AKR1C1: variants seen among roughly 807,000 people sequenced by gnomAD.
AKR1C1 encodes the protein 20 alpha-hydroxysteroid dehydrogenase.
In AKR1C1, 32 loss-of-function variants were observed where a neutral mutation model predicts 40.6. The ratio of observed to expected loss-of-function variants is 0.79; its 90% CI spans 0.60 to 1.06. The LOEUF (loss-of-function observed/expected upper bound fraction) is 1.06. AKR1C1 is among the 50% of genes least tolerant of loss of function. The probability of loss-of-function intolerance (pLI) is 0.00; values close to 1 mark genes in which losing one functional copy is unlikely to be tolerated. For synonymous variants in AKR1C1, 105 were observed against 134.2 expected (o/e 0.78, Z 1.50); for missense variants, 320 against 363.5 (o/e 0.88, Z 0.97).
At position 4,982,646 on chromosome 10, in the gene AKR1C1, G is replaced by A. The variant is rs10904382; in HGVS notation, c.*4904G>A. On this transcript the variant is annotated 3_prime_UTR_variant, in exon 9 of 9. Transcript: ENST00000380872. ...AGCTTAACACAAAGATACACTTTTA[G>A]GAGCTTCATAGCCCCTCTTCCCCCA... 103,603 of 261,284 alleles carry A rather than the reference G, an allele frequency of 0.4. 21,828 individuals carry two copies. The highest frequency in any genetic ancestry group is 0.45 in the African/African-American group (19,684 of 43,422). The allele number at this position is 261,284 out of a possible 1,614,324, so 16.2% of individuals were successfully genotyped here.
At chr10:4,965,846 G>T (rs1019281400) in intron 1 of AKR1C1, 68 bp from the exon 2 acceptor site, 2 of 1,542,204 alleles carry the variant, frequency 1.3e-6, no homozygotes. Flanking sequence ...TGTGAACGTC[G>T]CTACTTGTGC....
chr10:4,979,208 T>G lies in AKR1C1; in HGVS notation c.*1466T>G, dbSNP rs1836576295. 6.6e-6 allele frequency: 1 copy of G among 152,192 alleles called. No individual in the cohort carries two copies. Among genetic ancestry groups the G allele is most frequent in the South Asian group, 2.1e-4 (1 of 4,828 alleles). 9.4% of individuals were successfully genotyped at this position (152,192 alleles called of 1,614,324 possible). Reference sequence around the variant, plus strand: ...GTAGGCCATAAACTTTGGAGGGCCCTAGACCAATTTTTTGGATTATTTTTC... The same window carrying G: ...GTAGGCCATAAACTTTGGAGGGCCCGAGACCAATTTTTTGGATTATTTTTC... On this transcript the variant is annotated 3_prime_UTR_variant, in exon 9 of 9. Transcript: ENST00000380872.
At chr10:4,965,789 G>A in intron 1 of AKR1C1, 125 bp from the exon 2 acceptor site, 3 of 1,146,292 alleles carry the variant, frequency 2.6e-6, no homozygotes, top group Non-Finnish European at 3.7e-6. Context: ...ATGGGCTCAT[G>A]ATTCTACATA....
rs1836641715 is a variant in AKR1C1, at chr10:4,982,875, A to T, written c.*5133A>T. ...ATGAGCTCAGCTGTTACCACTGCGTACCACACCCTGACCAGTCAGAGGTCT... is the reference window on the plus strand; with the variant it reads ...ATGAGCTCAGCTGTTACCACTGCGTTCCACACCCTGACCAGTCAGAGGTCT... On this transcript the variant is annotated 3_prime_UTR_variant, in exon 9 of 9. Transcript: ENST00000380872. 2.3e-6 allele frequency: 1 copy of T among 428,864 alleles called. No homozygotes were observed. The highest frequency in any genetic ancestry group is 2.0e-5 in the African/African-American group (1 of 49,476). The allele number at this position is 428,864 out of a possible 1,614,324, so 26.6% of individuals were successfully genotyped here.
chr10:4,973,272 T>G (rs1460254099), intron 7 of AKR1C1, among the ~76,000 whole-genome samples: 4 of 152,020 alleles, frequency 2.6e-5, no homozygotes, highest in African/African-American at 9.7e-5. Flanking sequence ...ATATAGAGGC[T>G]TAATGCAAAA....
chr10:4,969,221 G>T (rs527692272), intron 5 of AKR1C1, among the ~76,000 whole-genome samples: 19 of 152,304 alleles, frequency 1.2e-4, no homozygotes, highest in Middle Eastern at 3.4e-3. Flanking sequence ...CTCAGGGAAA[G>T]GTGGACTTAC....
At position 4,969,893 on chromosome 10, in the gene AKR1C1, G is replaced by C. The variant is rs1836396761; in HGVS notation, c.570+949G>C. On this transcript the variant is annotated intron_variant, in intron 5 of 8. Transcript: ENST00000380872. ...ACATATGTATAAAATTAGTGAATTT[G>C]GTATAATGATACGGTGCTGTGATAA... The C allele has an allele frequency of 7.9e-6, 5 of 634,362 alleles. No homozygotes were observed. The East Asian group carries it at 1.5e-4, about 19-fold the overall frequency. The allele number at this position is 634,362 out of a possible 1,614,324, so 39.3% of individuals were successfully genotyped here. A position where few individuals can be genotyped will look rare whatever the true frequency, so the allele number is the denominator to read the frequency against.
chr10:4,979,248 C>CGTT lies in AKR1C1; in HGVS notation c.*1507_*1508insTTG, dbSNP rs549389858. The CGTT allele has an allele frequency of 4.6e-3, 708 of 152,262 alleles. 8 individuals are homozygous for CGTT. Among genetic ancestry groups the CGTT allele is most frequent in the African/African-American group, 0.016 (673 of 41,544 alleles). 9.4% of individuals were successfully genotyped at this position (152,262 alleles called of 1,614,324 possible). On this transcript the variant is annotated 3_prime_UTR_variant, in exon 9 of 9. Transcript: ENST00000380872. ...GATTATTTTTCGTCTTCTATCATTC[C>CGTT]GCTGATCTTAGATATTCTCTGCATT...
At chr10:4,971,973 A>G (rs1272639504) in intron 5 of AKR1C1, among the ~76,000 whole-genome samples, 1 of 149,684 alleles carries the variant, frequency 6.7e-6, no homozygotes, top group East Asian at 1.9e-4. Flanking sequence ...GGAGTTATTG[A>G]GAAACCAGGA....
At chr10:4,969,831 A>T (rs971047483) in intron 5 of AKR1C1, 2 of 1,305,918 alleles carry the variant, frequency 1.5e-6, no homozygotes, top group African/African-American at 2.9e-5. Flanking sequence ...TATGTTTTAA[A>T]ACTTAGAGTC....
chr10:4,972,895 T>C (rs1345333151), intron 7 of AKR1C1, 146 bp downstream of exon 7: 85 of 1,441,090 alleles, frequency 5.9e-5, no homozygotes, highest in Non-Finnish European at 7.4e-5. Flanking sequence ...CATAAGGGTT[T>C]CTTCTACTCT....
intron 7 of AKR1C1, among the ~76,000 whole-genome samples, chr10:4,975,294 T>C (rs1554770338): frequency 6.6e-6 from 1 of 152,146 alleles, no homozygotes; most frequent in Non-Finnish European, 1.5e-5. Context: ...TACACTTATT[T>C]GATTGAATGT....
At chr10:4,968,138 C>T in intron 3 of AKR1C1, 171 bp from the exon 4 acceptor site, 1 of 1,104,760 alleles carries the variant, frequency 9.1e-7, no homozygotes, top group Non-Finnish European at 1.3e-6. Flanking sequence ...AGCCTGTCAC[C>T]TGAAGACATT....
chr10:4,983,025 G>C lies in AKR1C1; in HGVS notation c.*5283G>C. The C allele has an allele frequency of 2.4e-6, 1 of 417,656 alleles. No homozygotes were observed. The highest frequency in any genetic ancestry group is 2.5e-5 in the Admixed American group (1 of 39,448). The allele number at this position is 417,656 out of a possible 1,614,324, so 25.9% of individuals were successfully genotyped here. A position where few individuals can be genotyped will look rare whatever the true frequency, so the allele number is the denominator to read the frequency against. On this transcript the variant is annotated 3_prime_UTR_variant, in exon 9 of 9. Transcript: ENST00000380872. ...TCACTCCCCTGCCACCTCAATCAGA[G>C]CTGGTGCTGGTATCCACTGCTGGGA...
chr10:4,967,275 A>G, intron 3 of AKR1C1: 1 of 1,099,040 alleles, frequency 9.1e-7, no homozygotes, highest in Non-Finnish European at 1.2e-6. Context: ...CCTCTGCCTC[A>G]AAAACTTGAG....
chr10:4,976,622 A>G (rs1836529689), intron 8 of AKR1C1, among the ~76,000 whole-genome samples: 1 of 151,826 alleles, frequency 6.6e-6, no homozygotes, highest in South Asian at 2.1e-4. Flanking sequence ...ATGCAAAAGC[A>G]CCATTGTTGG....
Position 4,979,600 on chromosome 10 carries a change from T to A in AKR1C1, c.*1858T>A, listed in dbSNP as rs533783268. On this transcript the variant is annotated 3_prime_UTR_variant, in exon 9 of 9. Coordinates refer to ENST00000380872, the MANE Select transcript of AKR1C1 (RefSeq NM_001353.6). ...TAAGCAAACTTTCATATTTCAAATC[T>A]CTTTAGCAAGTGTAACTCTTTTTTC... is the stretch of plus-strand genomic sequence containing the variant. 2.6e-5 allele frequency: 4 copies of A among 152,198 alleles called. No individual in the cohort carries two copies. The highest frequency in any genetic ancestry group is 9.7e-5 in the African/African-American group (4 of 41,422). 9.4% of individuals were successfully genotyped at this position (152,198 alleles called of 1,614,324 possible). A position where few individuals can be genotyped will look rare whatever the true frequency, so the allele number is the denominator to read the frequency against.
chr10:4,970,551 A>G (rs1193779427), intron 5 of AKR1C1, among the ~76,000 whole-genome samples: 1 of 152,196 alleles, frequency 6.6e-6, no homozygotes, highest in African/African-American at 2.4e-5. Flanking sequence ...GGTAGTTTTA[A>G]AAACTTGGTT....
chr10:4,965,995 A>G lies in AKR1C1; in HGVS notation c.166A>G (p.Asn56Asp). The change falls in exon 2 of 9, where the codon AAT (asparagine) becomes GAT (aspartate). Residue 56 changes from asparagine (N) to aspartate (D), a missense_variant. Asn to Asp is a conservative substitution (Grantham distance 23). Coordinates refer to ENST00000380872, the MANE Select transcript of AKR1C1 (RefSeq NM_001353.6). ...CCATATTGATTCTGCTCATTTATAC[A>G]ATAATGAGGAGCAGGTTGGACTGGC... ...FRHIDSAHLYNNEEQVGLAIR... is the reference protein window; with the variant it reads ...FRHIDSAHLYDNEEQVGLAIR... The G allele has an allele frequency of 1.2e-6, 2 of 1,614,246 alleles. No individual in the cohort carries two copies. The highest frequency in any genetic ancestry group is 2.2e-5 in the South Asian group (2 of 91,080).
Sources: gnomAD v4.1 joint callset for allele counts (sites outside exome capture counted in the v4.1 genomes callset) on GRCh38, gnomAD v4.1.1 for gene constraint, MANE v1.5 for transcripts, NCBI Gene and HGNC (gene_info 2026-07-23, HGNC 2026-07-21) for gene names.